Variants in SH3GL2 observed in about 807,000 individuals in gnomAD.
The protein encoded by SH3GL2 is endophilin-A1.
Under a neutral mutation model 46.0 loss-of-function variants are expected in SH3GL2, and 24 were observed. The observed-to-expected ratio is 0.52, with a 90% CI of 0.38 to 0.73. The LOEUF is 0.73. Ranked by LOEUF, SH3GL2 falls within the 30% of genes least tolerant of loss-of-function variation. SH3GL2 has a pLI of 0.00. For synonymous variants in SH3GL2, 196 were observed against 147.1 expected (o/e 1.33, Z -2.40); for missense variants, 413 against 424.2 (o/e 0.97, Z 0.23).
chr9:17,678,204 C>T (rs1393899067), intron 1 of SH3GL2, among the ~76,000 whole-genome samples: 4 of 152,068 alleles, frequency 2.6e-5, no homozygotes, highest in South Asian at 2.1e-4. Context: ...CCTGAGGAAT[C>T]GCCACACTGA....
intron 1 of SH3GL2, among the ~76,000 whole-genome samples, chr9:17,680,917 A>T (rs1288914930): frequency 6.6e-6 from 1 of 151,892 alleles, no homozygotes; most frequent in East Asian, 1.9e-4. Context: ...CAGGTTGTTC[A>T]GTTTCCGTGT....
rs539134440 is a variant in SH3GL2 at position 17,594,530 on chromosome 9, G to A, written c.45+15243G>A. On this transcript the variant is annotated intron_variant, in intron 1 of 8. Transcript: ENST00000380607. ...GCATCAGGACAAATGGCTAATGCAT[G>A]TGGGGCTTAAAATCTAGGTGACAGG... Among the ~76,000 whole-genome samples, 7 of 152,240 alleles carry A rather than the reference G, an allele frequency of 4.6e-5. 1 individual carries two copies. The highest frequency in any genetic ancestry group is 1.7e-4 in the African/African-American group (7 of 41,558).
chr9:17,748,915 C>T (rs559521941), intron 2 of SH3GL2, among the ~76,000 whole-genome samples: 65 of 152,150 alleles, frequency 4.3e-4, no homozygotes, highest in African/African-American at 1.5e-3. Context: ...CAAGAGGGAA[C>T]GGTTGAGTTC....
chr9:17,579,579 A>G (rs1273436908), intron 1 of SH3GL2, among the ~76,000 whole-genome samples: 2 of 152,200 alleles, frequency 1.3e-5, no homozygotes, highest in African/African-American at 4.8e-5. Flanking sequence ...TGCTGCAGGA[A>G]GGGGACCGCG....
In SH3GL2 at chr9:17,610,581, A is replaced by G. The variant is rs539942202; in HGVS notation, c.45+31294A>G. On this transcript the variant is annotated intron_variant, in intron 1 of 8. Coordinates refer to ENST00000380607, the MANE Select transcript of SH3GL2 (RefSeq NM_003026.5). ...CTTTGTAATGCTGGAGAAACCCTCA[A>G]CTGTTAAACATATACTTAAAAAAAT... Among the ~76,000 whole-genome samples the G allele has an allele frequency of 7.2e-4, 109 of 152,288 alleles. 2 individuals are homozygous for G. The highest frequency in any genetic ancestry group is 2.5e-3 in the African/African-American group (103 of 41,564).
chr9:17,774,297 G>T (rs1020367991), intron 3 of SH3GL2, among the ~76,000 whole-genome samples: 4 of 151,996 alleles, frequency 2.6e-5, no homozygotes, highest in Non-Finnish European at 5.9e-5. Context: ...TTACCAAATT[G>T]CCCTGGCCAG....
rs1480416108 is a variant in SH3GL2, at chr9:17,781,322, G to C, written c.188-5059G>C. ...TCATGTCCTTCGCCCACTTTTTGAT[G>C]GGGTTGTTTGTTTTTTTCTTGTAAA... On this transcript the variant is annotated intron_variant, in intron 3 of 8. Transcript: ENST00000380607. Among the ~76,000 whole-genome samples the C allele has an allele frequency of 2.5e-5, 3 of 120,248 alleles. No individual in the cohort carries two copies. In the Admixed American group the frequency reaches 2.6e-4, roughly 11 times the overall value. The allele number at this position is 120,248 out of a possible 152,430, so 78.9% of individuals were successfully genotyped here.
chr9:17,662,216 A>G (rs1016826835), intron 1 of SH3GL2, among the ~76,000 whole-genome samples: 2 of 152,130 alleles, frequency 1.3e-5, no homozygotes, highest in African/African-American at 2.4e-5. Context: ...TAATAGTTCT[A>G]TCAGTTGCTG....
chr9:17,703,755 C>T (rs978860121), intron 1 of SH3GL2, among the ~76,000 whole-genome samples: 3 of 152,082 alleles, frequency 2.0e-5, no homozygotes, highest in East Asian at 1.9e-4. Context: ...ATTCAGCATC[C>T]GTTCATGTTA....
intron 1 of SH3GL2, among the ~76,000 whole-genome samples, chr9:17,660,457 C>T (rs1174042351): frequency 6.6e-6 from 1 of 152,172 alleles, no homozygotes; most frequent in African/African-American, 2.4e-5. Context: ...ATTGTTCTGC[C>T]AGTAAATGAA....
At chr9:17,762,253 A>T (rs541588798) in intron 3 of SH3GL2, among the ~76,000 whole-genome samples, 1 of 152,240 alleles carries the variant, frequency 6.6e-6, no homozygotes, top group African/African-American at 2.4e-5. Flanking sequence ...ATGTGTGAAT[A>T]TTTGGAATAC....
intron 3 of SH3GL2, among the ~76,000 whole-genome samples, chr9:17,776,131 C>G (rs540634436): frequency 6.6e-6 from 1 of 152,246 alleles, no homozygotes; most frequent in East Asian, 1.9e-4. Flanking sequence ...GCAGGGAACA[C>G]TCATTTTCAC....
At chr9:17,660,430 TGAGCC>T (rs1820184424) in intron 1 of SH3GL2, among the ~76,000 whole-genome samples, 1 of 152,208 alleles carries the variant, frequency 6.6e-6, no homozygotes, top group Non-Finnish European at 1.5e-5. Context: ...GTTCTGTAGC[TGAGCC>T]GGTAGACATT....
chr9:17,788,224 A>C (rs112678713), intron 5 of SH3GL2, among the ~76,000 whole-genome samples: 2,038 of 152,236 alleles, frequency 0.013, 54 homozygotes, highest in African/African-American at 0.047. Context: ...CTTTAGCAGT[A>C]CCATTTGCTC....
intron 1 of SH3GL2, among the ~76,000 whole-genome samples, chr9:17,692,738 G>A (rs1821113262): frequency 6.6e-6 from 1 of 152,098 alleles, no homozygotes; most frequent in South Asian, 2.1e-4. Flanking sequence ...TACTGTATTA[G>A]TTGGTTTTCA....
chr9:17,680,571 A>G (rs1245462973), intron 1 of SH3GL2, among the ~76,000 whole-genome samples: 3 of 151,842 alleles, frequency 2.0e-5, no homozygotes, highest in Non-Finnish European at 4.4e-5. Flanking sequence ...TGATCTTTTC[A>G]AAAAACCAGC....
chr9:17,591,487 C>G (rs1050712994), intron 1 of SH3GL2, among the ~76,000 whole-genome samples: 6 of 152,026 alleles, frequency 3.9e-5, no homozygotes, highest in African/African-American at 1.4e-4. Context: ...ATTTAGATTA[C>G]ATAAATTGCT....
At chr9:17,728,942 G>C (rs1444107987) in intron 1 of SH3GL2, among the ~76,000 whole-genome samples, 1 of 152,128 alleles carries the variant, frequency 6.6e-6, no homozygotes, top group African/African-American at 2.4e-5. Flanking sequence ...ATATACATGT[G>C]CATGTGTCTT....
intron 1 of SH3GL2, among the ~76,000 whole-genome samples, chr9:17,624,417 A>C (rs1819230904): frequency 1.3e-5 from 2 of 152,204 alleles, no homozygotes; most frequent in Non-Finnish European, 2.9e-5. Flanking sequence ...TACTGGGTCC[A>C]GTCTTCACAG....
Sources: gnomAD v4.1 joint callset for allele counts (sites outside exome capture counted in the v4.1 genomes callset) on GRCh38, gnomAD v4.1.1 for gene constraint, MANE v1.5 for transcripts, NCBI Gene and HGNC (gene_info 2026-07-23, HGNC 2026-07-21) for gene names.